CELF4: variants seen among roughly 807,000 people sequenced by gnomAD.
The protein encoded by CELF4 is CUG-BP- and ETR-3-like factor 4.
Under a neutral mutation model 59.9 loss-of-function variants are expected in CELF4, and 18 were observed. That is an observed-to-expected ratio of 0.30 (90% CI 0.21 to 0.45). The LOEUF is 0.45. CELF4 is among the 20% of genes least tolerant of loss of function. CELF4 has a pLI of 1.00. For missense variants in CELF4, 456 were observed against 689.0 expected (o/e 0.66, Z 3.79); for synonymous variants, 261 against 267.1 (o/e 0.98, Z 0.22).
At chr18:37,377,059 G>A (rs1365058823) in intron 2 of CELF4, among the ~76,000 whole-genome samples, 1 of 151,804 alleles carries the variant, frequency 6.6e-6, no homozygotes, top group African/African-American at 2.4e-5. Flanking sequence ...AAAGCAAGGA[G>A]GAGAAATAAA....
chr18:37,317,156 G>C (rs1049850564), intron 3 of CELF4, among the ~76,000 whole-genome samples: 1 of 152,196 alleles, frequency 6.6e-6, no homozygotes, highest in African/African-American at 2.4e-5. Context: ...GGAGGCCAAG[G>C]CAGAAGGATC....
chr18:37,419,715 C>T (rs1374299253), intron 2 of CELF4, among the ~76,000 whole-genome samples: 2 of 152,154 alleles, frequency 1.3e-5, no homozygotes, highest in African/African-American at 4.8e-5. Context: ...CCCTCCGGTA[C>T]CCAAAGTAGA....
chr18:37,386,185 G>A (rs970021190), intron 2 of CELF4, among the ~76,000 whole-genome samples: 1 of 152,180 alleles, frequency 6.6e-6, no homozygotes, highest in African/African-American at 2.4e-5. Flanking sequence ...CCTAAAGAAT[G>A]TCTGCTCTGT....
chr18:37,500,532 TTTTTC>T (rs1287522729), intron 1 of CELF4, among the ~76,000 whole-genome samples: 3 of 64,142 alleles, frequency 4.7e-5, no homozygotes, highest in Admixed American at 2.7e-4. Flanking sequence ...TTTTCTTTTC[TTTTTC>T]TTTTTTTTTT....
intron 1 of CELF4, among the ~76,000 whole-genome samples, chr18:37,541,740 C>T (rs972064300): frequency 2.0e-5 from 3 of 152,030 alleles, no homozygotes; most frequent in Middle Eastern, 3.4e-3. Flanking sequence ...TTCCTGCCTC[C>T]GGGCCTTTGC....
At chr18:37,374,986 G>A (rs114190095) in intron 2 of CELF4, among the ~76,000 whole-genome samples, 10 of 152,296 alleles carry the variant, frequency 6.6e-5, no homozygotes, top group African/African-American at 2.4e-4. Context: ...TGTCTGTGTC[G>A]TGCGGTCTGC....
chr18:37,524,837 A>C (rs2099961865), intron 1 of CELF4, among the ~76,000 whole-genome samples: 1 of 152,048 alleles, frequency 6.6e-6, no homozygotes, highest in African/African-American at 2.4e-5. Context: ...CCCGGCAGCG[A>C]CCGCAGCGCC....
intron 1 of CELF4, among the ~76,000 whole-genome samples, chr18:37,532,647 G>C (rs1240632403): frequency 6.6e-6 from 1 of 151,708 alleles, no homozygotes; most frequent in African/African-American, 2.4e-5. Context: ...AAAAAAAAAA[G>C]GTCAGGTGAC....
At chr18:37,555,352 G>A (rs1050796628) in intron 1 of CELF4, among the ~76,000 whole-genome samples, 2 of 152,096 alleles carry the variant, frequency 1.3e-5, no homozygotes, top group African/African-American at 4.8e-5. Flanking sequence ...ACCCCACCCT[G>A]TTGAAAAGCA....
intron 1 of CELF4, among the ~76,000 whole-genome samples, chr18:37,501,688 G>C: frequency 6.6e-6 from 1 of 152,222 alleles, no homozygotes; most frequent in Non-Finnish European, 1.5e-5. Context: ...CTGGAGGCTG[G>C]GCAGGCTGCC....
intron 3 of CELF4, among the ~76,000 whole-genome samples, chr18:37,286,402 G>C (rs2154400696): frequency 6.6e-6 from 1 of 152,242 alleles, no homozygotes; most frequent in Admixed American, 6.5e-5. Context: ...GCCACAGGCT[G>C]ACCCTTATGG....
chr18:37,525,645 G>T (rs1415180523), intron 1 of CELF4, among the ~76,000 whole-genome samples: 1 of 152,120 alleles, frequency 6.6e-6, no homozygotes, highest in Non-Finnish European at 1.5e-5. Flanking sequence ...GACTGTTAGG[G>T]TTCCTTGGTG....
chr18:37,412,772 G>A (rs1372181147), intron 2 of CELF4, among the ~76,000 whole-genome samples: 1 of 152,218 alleles, frequency 6.6e-6, no homozygotes, highest in Non-Finnish European at 1.5e-5. Flanking sequence ...ATATTGGGAT[G>A]AGAAAGGCCA....
chr18:37,340,984 G>T (rs190860733), intron 2 of CELF4, among the ~76,000 whole-genome samples: 5 of 152,332 alleles, frequency 3.3e-5, no homozygotes, highest in Admixed American at 2.6e-4. Flanking sequence ...CATTCATACA[G>T]GAAATGCCTA....
chr18:37,429,622 C>A (rs568190822), intron 2 of CELF4, among the ~76,000 whole-genome samples: 1 of 152,292 alleles, frequency 6.6e-6, no homozygotes, highest in Admixed American at 6.5e-5. Context: ...CTGCTTCTTC[C>A]CTGGGCCTCA....
intron 1 of CELF4, among the ~76,000 whole-genome samples, chr18:37,526,534 G>C (rs1212517927): frequency 2.0e-5 from 3 of 152,160 alleles, no homozygotes; most frequent in Non-Finnish European, 4.4e-5. Context: ...ACTACTCAGC[G>C]CTTGGGAGGT....
intron 1 of CELF4, among the ~76,000 whole-genome samples, chr18:37,545,351 A>G (rs948536): frequency 0.22 from 33,176 of 152,140 alleles, 3,904 homozygotes; most frequent in South Asian, 0.31. Flanking sequence ...AAAATGACTC[A>G]CGCTGGAGCC....
rs377164709 is a variant in CELF4 at position 37,287,078 on chromosome 18, C to T, written c.449-11835G>A. 1.5e-4 allele frequency among the ~76,000 whole-genome samples: 23 copies of T among 152,278 alleles called. No individual in the cohort carries two copies. The East Asian group carries it at 3.3e-3, about 22-fold the overall frequency. Reference sequence around the variant, plus strand: ...GGACAGAGGTCCTTAGCCCTGGCTGCCATGGAAATCACCTGGAGGCTTCGA... The same window carrying T: ...GGACAGAGGTCCTTAGCCCTGGCTGTCATGGAAATCACCTGGAGGCTTCGA... On this transcript the variant is annotated intron_variant, in intron 3 of 12. Coordinates refer to ENST00000420428, the MANE Select transcript of CELF4 (RefSeq NM_020180.4).
chr18:37,353,127 A>G (rs1438144337), intron 2 of CELF4, among the ~76,000 whole-genome samples: 2 of 151,158 alleles, frequency 1.3e-5, no homozygotes, highest in African/African-American at 2.4e-5. Flanking sequence ...AGGCTGAGGC[A>G]GGAGAATTGC....
Sources: gnomAD v4.1 joint callset for allele counts (sites outside exome capture counted in the v4.1 genomes callset) on GRCh38, gnomAD v4.1.1 for gene constraint, MANE v1.5 for transcripts, NCBI Gene and HGNC (gene_info 2026-07-23, HGNC 2026-07-21) for gene names.